Variants in SH3RF3 observed in about 807,000 individuals in gnomAD.
SH3RF3 encodes the protein E3 ubiquitin-protein ligase SH3RF3.
A neutral mutation model predicts 66.3 loss-of-function variants in SH3RF3; 29 were observed. The observed-to-expected ratio is 0.44, with a 90% CI of 0.33 to 0.60. The LOEUF is 0.60. SH3RF3 is among the 20% of genes least tolerant of loss of function. The pLI is 0.04. For synonymous variants in SH3RF3, 583 were observed against 532.0 expected (o/e 1.10, Z -1.32); for missense variants, 1,194 against 1,190.9 (o/e 1.00, Z -0.04).
intron 4 of SH3RF3, among the ~76,000 whole-genome samples, chr2:109,411,862 C>G (rs1159679081): frequency 6.6e-6 from 1 of 152,228 alleles, no homozygotes; most frequent in African/African-American, 2.4e-5. Context: ...TGTTAAATCC[C>G]ACATATTTGC....
chr2:109,181,142 G>C (rs1329025041), intron 1 of SH3RF3, among the ~76,000 whole-genome samples: 1 of 152,138 alleles, frequency 6.6e-6, no homozygotes, highest in African/African-American at 2.4e-5. Context: ...CTTCCAGCTC[G>C]TCTGTGTTTG....
intron 1 of SH3RF3, among the ~76,000 whole-genome samples, chr2:109,197,587 A>G (rs1371366470): frequency 6.6e-6 from 1 of 152,034 alleles, no homozygotes; most frequent in Non-Finnish European, 1.5e-5. Flanking sequence ...TTTTAGGGGG[A>G]CCTGTGCTTG....
At chr2:109,422,321 C>G (rs1027527563) in intron 5 of SH3RF3, among the ~76,000 whole-genome samples, 5 of 152,204 alleles carry the variant, frequency 3.3e-5, no homozygotes, top group African/African-American at 4.8e-5. Context: ...GACCTCATTC[C>G]TGATCTTCAT....
At chr2:109,234,788 C>A (rs1418195046) in intron 1 of SH3RF3, among the ~76,000 whole-genome samples, 2 of 152,116 alleles carry the variant, frequency 1.3e-5, no homozygotes, top group African/African-American at 4.8e-5. Context: ...CATCTTCACA[C>A]CTGACTTCCT....
chr2:109,341,927 A>G (rs1045537972), intron 1 of SH3RF3, among the ~76,000 whole-genome samples: 3 of 152,186 alleles, frequency 2.0e-5, no homozygotes, highest in Non-Finnish European at 4.4e-5. Flanking sequence ...TCTGACAGAC[A>G]AAAGAAGCAG....
intron 1 of SH3RF3, among the ~76,000 whole-genome samples, chr2:109,273,035 T>C (rs1680665624): frequency 6.6e-6 from 1 of 152,232 alleles, no homozygotes; most frequent in African/African-American, 2.4e-5. Flanking sequence ...GTTTTAATTT[T>C]ACCAGTGGGA....
rs1335312850 is a variant in SH3RF3, at chr2:109,130,120, A to G, written c.573+7A>G. ...GACCGCGCCGGCGGCAAAGGTGAGT[A>G]TCTGTCTCGGCGGAAGTGGCCACGG... On this transcript the variant is annotated splice_region_variant and intron_variant, in intron 1 of 9. Transcript: ENST00000309415. The G allele has an allele frequency of 1.5e-6, 2 of 1,297,578 alleles. No individual in the cohort carries two copies. The highest frequency in any genetic ancestry group is 1.9e-6 in the Non-Finnish European group (2 of 1,026,212). The allele number at this position is 1,297,578 out of a possible 1,614,324, so 80.4% of individuals were successfully genotyped here.
intron 1 of SH3RF3, among the ~76,000 whole-genome samples, chr2:109,254,124 C>T (rs548041255): frequency 1.3e-5 from 2 of 152,258 alleles, no homozygotes; most frequent in East Asian, 3.9e-4. Context: ...ATGACTGCCT[C>T]ACCAACCCCT....
intron 8 of SH3RF3, among the ~76,000 whole-genome samples, chr2:109,468,246 C>T (rs1678410414): frequency 6.6e-6 from 1 of 152,040 alleles, no homozygotes; most frequent in African/African-American, 2.4e-5. Flanking sequence ...AAAACCTGCA[C>T]AGCATGTGAC....
chr2:109,346,536 A>G (rs1682705816), intron 1 of SH3RF3, among the ~76,000 whole-genome samples: 1 of 152,142 alleles, frequency 6.6e-6, no homozygotes, highest in South Asian at 2.1e-4. Context: ...CCTCTAGCAC[A>G]GGATTGACCT....
chr2:109,408,767 A>G (rs11694493), intron 4 of SH3RF3, among the ~76,000 whole-genome samples: 90,295 of 152,154 alleles, frequency 0.59, 27,802 homozygotes, highest in African/African-American at 0.76. Context: ...CTGTTTGAAG[A>G]CAGAATGGAT....
At chr2:109,218,120 C>T (rs59435356) in intron 1 of SH3RF3, among the ~76,000 whole-genome samples, 5,167 of 150,722 alleles carry the variant, frequency 0.034, 265 homozygotes, top group African/African-American at 0.11. Context: ...TGAGTAGAGA[C>T]AGAAAACCAT....
chr2:109,224,184 A>G (rs1008531719), intron 1 of SH3RF3, among the ~76,000 whole-genome samples: 4 of 151,970 alleles, frequency 2.6e-5, no homozygotes, highest in African/African-American at 7.3e-5. Context: ...GCATGTGCAA[A>G]TGGAGGGGGT....
chr2:109,411,558 C>T (rs1316422810), intron 4 of SH3RF3, among the ~76,000 whole-genome samples: 1 of 152,182 alleles, frequency 6.6e-6, no homozygotes, highest in Non-Finnish European at 1.5e-5. Flanking sequence ...GATGGACTGA[C>T]CCCATCAGCA....
chr2:109,176,194 A>G (rs1381386476), intron 1 of SH3RF3, among the ~76,000 whole-genome samples: 1 of 152,198 alleles, frequency 6.6e-6, no homozygotes, highest in Admixed American at 6.5e-5. Context: ...CCAGTGGGGG[A>G]AAAGCAGACT....
intron 7 of SH3RF3, among the ~76,000 whole-genome samples, chr2:109,446,336 G>C (rs1291672834): frequency 6.6e-6 from 1 of 152,166 alleles, no homozygotes; most frequent in African/African-American, 2.4e-5. Context: ...TACATGCCAG[G>C]GACCATTGCG....
chr2:109,340,270 G>A (rs759063282), intron 1 of SH3RF3, among the ~76,000 whole-genome samples: 1 of 152,106 alleles, frequency 6.6e-6, no homozygotes, highest in Non-Finnish European at 1.5e-5. Flanking sequence ...GATAATATAA[G>A]GCCAAGCTCA....
At chr2:109,233,222 G>T (rs900364311) in intron 1 of SH3RF3, among the ~76,000 whole-genome samples, 1 of 152,182 alleles carries the variant, frequency 6.6e-6, no homozygotes, top group Non-Finnish European at 1.5e-5. Context: ...CCAGGTTCTT[G>T]TCCAGCACCC....
intron 7 of SH3RF3, among the ~76,000 whole-genome samples, chr2:109,448,653 G>A (rs1253295409): frequency 6.6e-6 from 1 of 152,126 alleles, no homozygotes; most frequent in Non-Finnish European, 1.5e-5. Context: ...AAGCTCAGGG[G>A]TCCTACTGAT....
Sources: allele counts gnomAD v4.1 joint callset (sites outside exome capture counted in the v4.1 genomes callset), GRCh38; gene constraint gnomAD v4.1.1; transcripts MANE v1.5; gene names NCBI Gene and HGNC (gene_info 2026-07-23, HGNC 2026-07-21).